Variants in PRKCH observed in about 807,000 individuals in gnomAD.
The protein encoded by PRKCH is protein kinase C eta.
PRKCH carries 28 observed loss-of-function variants against 82.5 expected under a neutral mutation model. That is an observed-to-expected ratio of 0.34 (90% CI 0.25 to 0.47). The LOEUF (loss-of-function observed/expected upper bound fraction) is 0.47. Among genes scored for constraint, PRKCH ranks in the 20% least tolerant of loss-of-function variants. The pLI is 1.00. For synonymous variants in PRKCH, 322 were observed against 327.4 expected, an observed-to-expected ratio of 0.98 and a Z score of 0.18; for missense variants, 705 against 881.8, an observed-to-expected ratio of 0.80 and a Z score of 2.54.
At chr14:61,369,655 T>G (rs1298687386) in intron 1 of PRKCH, among the ~76,000 whole-genome samples, 1 of 152,112 alleles carries the variant, frequency 6.6e-6, no homozygotes, top group African/African-American at 2.4e-5. Flanking sequence ...GAAATATGAT[T>G]GCAGTCAGTG....
At chr14:61,399,110 A>G (rs547105110) in intron 2 of PRKCH, among the ~76,000 whole-genome samples, 1 of 152,324 alleles carries the variant, frequency 6.6e-6, no homozygotes, top group East Asian at 1.9e-4. Context: ...TTTACTTCAG[A>G]ATAATGCAGA....
chr14:61,282,270 CTTT>C (rs10719485), intron 1 of PRKCH, among the ~76,000 whole-genome samples: 14 of 129,342 alleles, frequency 1.1e-4, no homozygotes, highest in Admixed American at 2.3e-4. Flanking sequence ...GGGATTCTGG[CTTT>C]TTTTTTTTTT....
chr14:61,430,857 C>A (rs1443787292), intron 2 of PRKCH, among the ~76,000 whole-genome samples: 2 of 151,816 alleles, frequency 1.3e-5, no homozygotes, highest in African/African-American at 2.4e-5. Flanking sequence ...CGGGTTCAAG[C>A]GATTCTCCTG....
At chr14:61,510,967 A>G (rs1354567721) in intron 10 of PRKCH, among the ~76,000 whole-genome samples, 1 of 152,144 alleles carries the variant, frequency 6.6e-6, no homozygotes, top group African/African-American at 2.4e-5. Flanking sequence ...TTAGGGAACC[A>G]GCTATCCTAT....
chr14:61,209,495 A>G (rs140787421), intron 1 of PRKCH, among the ~76,000 whole-genome samples: 63 of 152,148 alleles, frequency 4.1e-4, no homozygotes, highest in African/African-American at 1.3e-3. Flanking sequence ...GACTGAGACA[A>G]CCACCAAGAG....
intron 10 of PRKCH, among the ~76,000 whole-genome samples, chr14:61,512,534 A>G (rs1887424872): frequency 6.6e-6 from 1 of 152,186 alleles, no homozygotes; most frequent in South Asian, 2.1e-4. Flanking sequence ...CTGAGCTTTT[A>G]AATGGTTTCC....
intron 1 of PRKCH, among the ~76,000 whole-genome samples, chr14:61,369,185 C>G (rs1034020294): frequency 2.0e-5 from 3 of 152,122 alleles, no homozygotes; most frequent in African/African-American, 7.3e-5. Flanking sequence ...CAGTGGTTCT[C>G]AAGGTGTAGC....
rs550749957 is a variant in PRKCH, at chr14:61,362,985, G to A, written c.364-28240G>A. Among the ~76,000 whole-genome samples the A allele has an allele frequency of 7.2e-5, 11 of 152,338 alleles. No individual in the cohort carries two copies. The South Asian group carries it at 1.7e-3, about 23-fold the overall frequency. On this transcript the variant is annotated intron_variant, in intron 1 of 13. Transcript: ENST00000332981. ...TAGGGCAAGACTTCCTGGAGAAGTC[G>A]CCTAGACGGAGTCTTGAACAATGGG... is the stretch of plus-strand genomic sequence containing the variant.
chr14:61,218,279 G>C (rs1390283617), intron 1 of PRKCH, among the ~76,000 whole-genome samples: 1 of 152,076 alleles, frequency 6.6e-6, no homozygotes, highest in Non-Finnish European at 1.5e-5. Flanking sequence ...CCCTCTCTCT[G>C]TCTCTGTCTC....
At chr14:61,476,296 A>G (rs991603194) in intron 9 of PRKCH, 1 of 152,210 alleles carries the variant, frequency 6.6e-6, no homozygotes, top group African/African-American at 2.4e-5. Context: ...GCTATTAAAG[A>G]TATCTCACTT....
intron 1 of PRKCH, among the ~76,000 whole-genome samples, chr14:61,221,984 G>A (rs1359233743): frequency 6.6e-6 from 1 of 152,224 alleles, no homozygotes; most frequent in Admixed American, 6.5e-5. Context: ...TCACCTAAGG[G>A]TTCTCTCGGG....
intron 10 of PRKCH, among the ~76,000 whole-genome samples, chr14:61,523,875 A>G (rs1214129791): frequency 6.6e-6 from 1 of 152,198 alleles, no homozygotes; most frequent in Non-Finnish European, 1.5e-5. Flanking sequence ...ATTTGTTTCA[A>G]AATAATCTGA....
At chr14:61,500,861 G>C (rs1404343474) in intron 10 of PRKCH, among the ~76,000 whole-genome samples, 1 of 152,104 alleles carries the variant, frequency 6.6e-6, no homozygotes, top group Non-Finnish European at 1.5e-5. Flanking sequence ...TGTCAAAATA[G>C]AGGTACCTAT....
At chr14:61,397,633 T>A (rs1423234040) in intron 2 of PRKCH, among the ~76,000 whole-genome samples, 1 of 152,246 alleles carries the variant, frequency 6.6e-6, no homozygotes, top group African/African-American at 2.4e-5. Flanking sequence ...AAGATATTAC[T>A]TGTGAAATAG....
chr14:61,484,344 A>G, intron 9 of PRKCH, among the ~76,000 whole-genome samples: 1 of 118,828 alleles, frequency 8.4e-6, no homozygotes, highest in Non-Finnish European at 1.6e-5. Flanking sequence ...CAAACTCTGT[A>G]TGGGGAGAGG....
chr14:61,497,999 T>TA (rs965485215), intron 10 of PRKCH, among the ~76,000 whole-genome samples: 10 of 152,076 alleles, frequency 6.6e-5, no homozygotes, highest in Non-Finnish European at 1.0e-4. Flanking sequence ...TTTTTATCAT[T>TA]AAAAAAATGC....
Position 61,347,554 on chromosome 14 carries a change from G to A in PRKCH, c.363+25090G>A, listed in dbSNP as rs562510625. ...TATTTCCTAATCCCAATTTTGTGGA[G>A]GTTTGTGTTCTAGCTTTGATTCAAT... On this transcript the variant is annotated intron_variant, in intron 1 of 13. Coordinates refer to ENST00000332981, the MANE Select transcript of PRKCH (RefSeq NM_006255.5). Among the ~76,000 whole-genome samples, 5 of 152,316 alleles carry A rather than the reference G, an allele frequency of 3.3e-5. No homozygotes were observed. The East Asian group carries it at 9.6e-4, about 29-fold the overall frequency.
intron 9 of PRKCH, among the ~76,000 whole-genome samples, chr14:61,465,591 T>C (rs1029762318): frequency 1.3e-5 from 2 of 152,254 alleles, no homozygotes; most frequent in East Asian, 3.8e-4. Context: ...ATATATCTGT[T>C]TTTATGCCAG....
chr14:61,446,834 G>A (rs1884248705), intron 4 of PRKCH, among the ~76,000 whole-genome samples: 1 of 152,176 alleles, frequency 6.6e-6, no homozygotes, highest in South Asian at 2.1e-4. Context: ...GAGAAGCTCT[G>A]GATAAACAAG....
Sources: gnomAD v4.1 joint callset for allele counts (sites outside exome capture counted in the v4.1 genomes callset) on GRCh38, gnomAD v4.1.1 for gene constraint, MANE v1.5 for transcripts, NCBI Gene and HGNC (gene_info 2026-07-23, HGNC 2026-07-21) for gene names.